NFATC2: variants seen among roughly 807,000 people sequenced by gnomAD.
NFATC2 encodes the protein nuclear factor of activated T cells 2, also known as nuclear factor of activated T-cells, cytoplasmic 2.
Under a neutral mutation model 87.3 loss-of-function variants are expected in NFATC2, and 22 were observed. The ratio of observed to expected loss-of-function variants is 0.25; its 90% CI spans 0.18 to 0.36. The LOEUF (loss-of-function observed/expected upper bound fraction) is 0.36, where lower values mean the gene tolerates loss of function less well. NFATC2 is among the 10% of genes least tolerant of loss of function. NFATC2 has a pLI of 1.00. For synonymous variants in NFATC2, 565 were observed against 542.2 expected (o/e 1.04, Z -0.58); for missense variants, 1,149 against 1,259.1 (o/e 0.91, Z 1.32).
chr20:51,419,759 G>C (rs980484121), intron 9 of NFATC2, among the ~76,000 whole-genome samples: 1 of 152,140 alleles, frequency 6.6e-6, no homozygotes, highest in African/African-American at 2.4e-5. Context: ...TATCTCAGCA[G>C]CTGGCATTCG....
intron 3 of NFATC2, among the ~76,000 whole-genome samples, chr20:51,509,369 CTGCCATATTCCCAG>C (rs1316206499): frequency 1.6e-4 from 25 of 152,344 alleles, no homozygotes; most frequent in African/African-American, 6.0e-4. Flanking sequence ...CTGTGGTTCA[CTGCCATATTCCCAG>C]TGCCAAGCAC....
At chr20:51,415,294 C>G (rs1979890883) in intron 9 of NFATC2, among the ~76,000 whole-genome samples, 1 of 152,068 alleles carries the variant, frequency 6.6e-6, no homozygotes, top group Admixed American at 6.6e-5. Flanking sequence ...GAAAGTCTCC[C>G]TTCTACTCTT....
At chr20:51,396,313 C>T (rs908849538) in intron 10 of NFATC2, among the ~76,000 whole-genome samples, 2 of 152,030 alleles carry the variant, frequency 1.3e-5, no homozygotes, top group Non-Finnish European at 2.9e-5. Context: ...GGTTCCCAAA[C>T]TTCAGTTTGC....
At chr20:51,473,060 T>A (rs1988382895) in intron 5 of NFATC2, among the ~76,000 whole-genome samples, 1 of 152,240 alleles carries the variant, frequency 6.6e-6, no homozygotes, top group African/African-American at 2.4e-5. Flanking sequence ...ATAAAGTACG[T>A]AAGAATGAGC....
In NFATC2 at chr20:51,435,641, G is replaced by A. The variant is rs1204125957; in HGVS notation, c.1905+65C>T. The A allele has an allele frequency of 4.6e-6, 7 of 1,516,238 alleles. No individual in the cohort carries two copies. The Admixed American group carries it at 1.1e-4, about 24-fold the overall frequency. The allele number at this position is 1,516,238 out of a possible 1,614,324, so 93.9% of individuals were successfully genotyped here. ...CTGATGAAGGAAGGAGGGAAAGAAG[G>A]AAAGAGCATGAAAGAGGGAAACGTG... is the stretch of plus-strand genomic sequence containing the variant. On this transcript the variant is annotated intron_variant, in intron 7 of 10. Transcript: ENST00000371564.
At chr20:51,452,718 T>A (rs949101330) in intron 6 of NFATC2, among the ~76,000 whole-genome samples, 3 of 152,048 alleles carry the variant, frequency 2.0e-5, no homozygotes, top group Non-Finnish European at 4.4e-5. Context: ...AACAAAACAA[T>A]CTCGACACTC....
chr20:51,475,170 T>G (rs1042623310), intron 4 of NFATC2, among the ~76,000 whole-genome samples: 3 of 152,134 alleles, frequency 2.0e-5, no homozygotes, highest in Admixed American at 6.5e-5. Flanking sequence ...GGTTTCACCA[T>G]GCTGGCCAGG....
At chr20:51,539,968 G>A (rs1322627023) in intron 1 of NFATC2, among the ~76,000 whole-genome samples, 1 of 152,144 alleles carries the variant, frequency 6.6e-6, no homozygotes, top group African/African-American at 2.4e-5. Context: ...TACCTCTACT[G>A]GGTAATCAAG....
chr20:51,521,362 G>A (rs921849655), intron 2 of NFATC2, among the ~76,000 whole-genome samples: 13 of 151,666 alleles, frequency 8.6e-5, no homozygotes, highest in African/African-American at 2.9e-4. Context: ...ACTCTGTCAC[G>A]AAGGCTAGAG....
intron 5 of NFATC2, 54 bp from the exon 6 acceptor site, chr20:51,454,742 AGAG>A (rs1381416772): frequency 7.5e-6 from 12 of 1,594,460 alleles, no homozygotes; most frequent in Non-Finnish European, 1.0e-5. Context: ...TCTGTTCAAA[AGAG>A]GAGGTCTGAT....
chr20:51,517,008 C>T (rs2146692885), intron 2 of NFATC2, 53 bp from the exon 3 acceptor site: 1 of 1,540,032 alleles, frequency 6.5e-7, no homozygotes, highest in Admixed American at 1.9e-5. Context: ...AATTAGTCAA[C>T]TTGTACAATA....
chr20:51,561,440 A>AAAGT (rs2077024865), intron 1 of NFATC2, among the ~76,000 whole-genome samples: 1 of 81,494 alleles, frequency 1.2e-5, no homozygotes, highest in South Asian at 5.3e-4. Flanking sequence ...GAAAAGAAAG[A>AAAGT]AAGAAAGAAA....
intron 10 of NFATC2, among the ~76,000 whole-genome samples, chr20:51,392,539 G>A (rs908334283): frequency 1.3e-5 from 2 of 152,108 alleles, no homozygotes; most frequent in Non-Finnish European, 2.9e-5. Flanking sequence ...GCCCATCCAT[G>A]AGGCATGCTC....
At chr20:51,558,214 C>T (rs1374909600) in intron 1 of NFATC2, among the ~76,000 whole-genome samples, 1 of 152,036 alleles carries the variant, frequency 6.6e-6, no homozygotes, top group Non-Finnish European at 1.5e-5. Context: ...TGGTGGTGCA[C>T]CCCTCCAGTC....
At chr20:51,494,828 G>A (rs2075961548) in intron 3 of NFATC2, among the ~76,000 whole-genome samples, 2 of 152,134 alleles carry the variant, frequency 1.3e-5, no homozygotes, top group Admixed American at 6.5e-5. Context: ...GTAAAACCCT[G>A]GGCTCCAGCT....
intron 1 of NFATC2, among the ~76,000 whole-genome samples, chr20:51,561,480 A>AAGCAAGCAAGCAAGC (rs2077029106): frequency 4.5e-5 from 5 of 111,244 alleles, no homozygotes; most frequent in Admixed American, 1.9e-4. Context: ...AGAAAGAAAG[A>AAGCAAGCAAGCAAGC]AAGAAAGCAA....
chr20:51,477,596 A>G (rs1988871397), intron 3 of NFATC2, among the ~76,000 whole-genome samples: 1 of 145,046 alleles, frequency 6.9e-6, no homozygotes, highest in African/African-American at 2.5e-5. Context: ...AACAAGAGAC[A>G]AAAGGACATT....
chr20:51,398,268 C>T (rs774545272), intron 10 of NFATC2, among the ~76,000 whole-genome samples: 1 of 152,198 alleles, frequency 6.6e-6, no homozygotes, highest in Non-Finnish European at 1.5e-5. Context: ...TCTGCTGTTC[C>T]CCAGTGCCGG....
intron 6 of NFATC2, 140 bp from the exon 7 acceptor site, chr20:51,435,901 G>A: frequency 1.5e-6 from 1 of 665,676 alleles, no homozygotes; most frequent in Non-Finnish European, 2.6e-6. Context: ...GTGCACGTGT[G>A]TGTACATATG....
Sources: gnomAD v4.1 joint callset for allele counts (sites outside exome capture counted in the v4.1 genomes callset) on GRCh38, gnomAD v4.1.1 for gene constraint, MANE v1.5 for transcripts, NCBI Gene and HGNC (gene_info 2026-07-23, HGNC 2026-07-21) for gene names.